The following CELF2 variants were observed in gnomAD, a reference collection of about 807,000 sequenced individuals.
The protein encoded by CELF2 is CUGBP Elav-like family member 2.
Under a neutral mutation model 62.6 loss-of-function variants are expected in CELF2, and 8 were observed. That is an observed-to-expected ratio of 0.13 (90% CI 0.07 to 0.23). The LOEUF is 0.23. CELF2 is among the 10% of genes least tolerant of loss of function. The probability of loss-of-function intolerance (pLI) is 1.00; values close to 1 mark genes in which losing one functional copy is unlikely to be tolerated. For missense variants in CELF2, 333 were observed against 671.0 expected, an observed-to-expected ratio of 0.50 and a Z score of 5.56; for synonymous variants, 258 against 250.0, an observed-to-expected ratio of 1.03 and a Z score of -0.30.
chr10:11,046,818 T>C lies in CELF2; in HGVS notation c.74+28655T>C, dbSNP rs2062939300. On this transcript the variant is annotated intron_variant, in intron 1 of 12. Transcript: ENST00000633077. The surrounding 1 kb of genome is among the most constrained non-coding windows in gnomAD (Gnocchi z 4.6). ...TTAAGCCCTTGGCTTGTTGCTTTAT[T>C]TTCTAAAATTTTAAATTTCATCGAA... Among the ~76,000 whole-genome samples, 1 of 152,208 alleles carries C rather than the reference T, an allele frequency of 6.6e-6. No homozygotes were observed. The highest frequency in any genetic ancestry group is 1.5e-5 in the Non-Finnish European group (1 of 68,038).
the CELF2 span, among the ~76,000 whole-genome samples, chr10:10,633,361 G>C: frequency 6.6e-6 from 1 of 152,124 alleles, no homozygotes; most frequent in Non-Finnish European, 1.5e-5. Context: ...CTATGGTTCT[G>C]ATCTCTGCTA....
At chr10:10,879,512 G>A (rs1344093813) in intron 1 of CELF2, among the ~76,000 whole-genome samples, 4 of 152,078 alleles carry the variant, frequency 2.6e-5, no homozygotes, top group Non-Finnish European at 5.9e-5. Flanking sequence ...AATAAAATAG[G>A]GTATTGAATT....
At chr10:11,228,950 T>G (rs1161907793) in intron 3 of CELF2, among the ~76,000 whole-genome samples, 1 of 152,154 alleles carries the variant, frequency 6.6e-6, no homozygotes, top group Non-Finnish European at 1.5e-5. Context: ...CTTTGAATGT[T>G]ATGTGGGTCA....
rs1407538009 is a variant in CELF2, at chr10:10,993,478, G to C, written c.89+73479G>C. 6.6e-6 allele frequency among the ~76,000 whole-genome samples: 1 copy of C among 152,090 alleles called. No homozygotes were observed. The highest frequency in any genetic ancestry group is 1.5e-5 in the Non-Finnish European group (1 of 68,016). On this transcript the variant is annotated intron_variant, in intron 2 of 13. Coordinates refer to the CELF2 transcript ENST00000636488. The surrounding 1 kb of genome is among the most constrained non-coding windows in gnomAD (Gnocchi z 5.3). ...TAGGCAGACACCAAGCATGAGAAAG[G>C]CAAGCCTCAGGAATATGGAAGATCC...
chr10:11,211,952 A>G lies in CELF2; in HGVS notation c.272-5473A>G, dbSNP rs1396499722. 6.6e-6 allele frequency among the ~76,000 whole-genome samples: 1 copy of G among 151,984 alleles called. No homozygotes were observed. Among genetic ancestry groups the G allele is most frequent in the Non-Finnish European group, 1.5e-5 (1 of 68,010 alleles). On this transcript the variant is annotated intron_variant, in intron 2 of 12. Transcript: ENST00000633077. The surrounding 1 kb of genome is among the most constrained non-coding windows in gnomAD (Gnocchi z 4.8). ...AACAGTTAAGCAGGCAAAATACCTG[A>G]GGGAACTCTTCATGACAGCAGAAAC... is the stretch of plus-strand genomic sequence containing the variant.
chr10:10,629,300 C>A, the CELF2 span, among the ~76,000 whole-genome samples: 1 of 152,210 alleles, frequency 6.6e-6, no homozygotes, highest in East Asian at 1.9e-4. Context: ...TGTGTGTCCT[C>A]TTTCCCAGGT....
At chr10:10,847,127 TTAGATA>T (rs1365214214) in intron 1 of CELF2, among the ~76,000 whole-genome samples, 8 of 151,938 alleles carry the variant, frequency 5.3e-5, no homozygotes, top group Admixed American at 1.3e-4. Context: ...ACACACAAAA[TTAGATA>T]TAGTAATATC....
the CELF2 span, among the ~76,000 whole-genome samples, chr10:10,494,694 C>T: frequency 4.1e-4 from 63 of 152,144 alleles, no homozygotes; most frequent in Non-Finnish European, 7.8e-4. Flanking sequence ...TTTTGAGCAT[C>T]TGTTCTGTGT....
intron 1 of CELF2, among the ~76,000 whole-genome samples, chr10:11,043,669 T>C (rs1053090356): frequency 6.6e-6 from 1 of 152,128 alleles, no homozygotes; most frequent in Non-Finnish European, 1.5e-5. Context: ...TCCCACATTC[T>C]CCACATCCAG....
At chr10:10,657,029 A>G in the CELF2 span, among the ~76,000 whole-genome samples, 3 of 152,170 alleles carry the variant, frequency 2.0e-5, no homozygotes, top group Admixed American at 6.6e-5. Context: ...ATATTCATCA[A>G]TGGATGAATG....
chr10:11,300,674 G>A lies in CELF2; in HGVS notation c.976+12122G>A, dbSNP rs142209793. On this transcript the variant is annotated intron_variant, in intron 9 of 12. Coordinates refer to ENST00000633077, the MANE Select transcript of CELF2 (RefSeq NM_001326342.2). The surrounding 1 kb of genome is among the most constrained non-coding windows in gnomAD (Gnocchi z 5.5). ...AATGCCCCAGGGTTGTGATTGGCTA[G>A]TAATGCTAGTGCCTGTGTCATGGCT... 1.1e-3 allele frequency among the ~76,000 whole-genome samples: 160 copies of A among 152,326 alleles called. 1 individual carries two copies. Among genetic ancestry groups the A allele is most frequent in the Middle Eastern group, 3.4e-3 (1 of 294 alleles).
intron 9 of CELF2, among the ~76,000 whole-genome samples, chr10:11,312,874 C>G (rs957990094): frequency 6.6e-6 from 1 of 152,170 alleles, no homozygotes; most frequent in Non-Finnish European, 1.5e-5. Flanking sequence ...GCAGGGGTTG[C>G]AGTGGGCCAA....
Position 11,270,540 on chromosome 10 carries a change from T to C in CELF2, c.619-126T>C. On this transcript the variant is annotated intron_variant, in intron 6 of 12. Transcript: ENST00000633077. The surrounding 1 kb of genome is among the most constrained non-coding windows in gnomAD (Gnocchi z 5.8). ...GAGAAGAAGGAATATCAAACCGTTT[T>C]AAACCATTTCAGCCCATTCCATGTG... 1 of 785,284 alleles carries C rather than the reference T, an allele frequency of 1.3e-6. No individual in the cohort carries two copies. Among genetic ancestry groups the C allele is most frequent in the Non-Finnish European group, 1.9e-6 (1 of 539,144 alleles). The allele number at this position is 785,284 out of a possible 1,614,324, so 48.6% of individuals were successfully genotyped here.
the CELF2 span, among the ~76,000 whole-genome samples, chr10:10,492,968 C>G: frequency 5.3e-5 from 8 of 152,262 alleles, no homozygotes; most frequent in African/African-American, 1.9e-4. Flanking sequence ...CCTTTCACCT[C>G]CTGCCGTGAT....
intron 3 of CELF2, among the ~76,000 whole-genome samples, chr10:11,239,801 G>A (rs370686388): frequency 1.6e-4 from 24 of 152,270 alleles, no homozygotes; most frequent in East Asian, 1.5e-3. Context: ...GGTCGTGCCT[G>A]TAATCTCAGC....
At chr10:10,534,238 A>T in the CELF2 span, among the ~76,000 whole-genome samples, 22 of 151,740 alleles carry the variant, frequency 1.4e-4, no homozygotes, top group Admixed American at 7.9e-4. Flanking sequence ...AAGAAAAAGA[A>T]AAAGAGAGAG....
chr10:10,977,376 G>A (rs1286501987), intron 2 of CELF2, among the ~76,000 whole-genome samples: 2 of 152,184 alleles, frequency 1.3e-5, no homozygotes, highest in Non-Finnish European at 2.9e-5. Flanking sequence ...AGTATCTTTA[G>A]TCTTTGGGGG....
chr10:10,694,789 T>A, the CELF2 span, among the ~76,000 whole-genome samples: 1 of 151,874 alleles, frequency 6.6e-6, no homozygotes, highest in Non-Finnish European at 1.5e-5. Flanking sequence ...TCTCTTTTGA[T>A]CTTTGTTGGT....
chr10:11,160,720 G>A (rs187541917), intron 1 of CELF2, among the ~76,000 whole-genome samples: 20 of 150,510 alleles, frequency 1.3e-4, no homozygotes, highest in African/African-American at 3.7e-4. Flanking sequence ...CTATCTTTAC[G>A]CACAATTTTT....
Sources: allele counts gnomAD v4.1 joint callset (sites outside exome capture counted in the v4.1 genomes callset), GRCh38; gene constraint gnomAD v4.1.1; non-coding constraint Gnocchi (gnomAD v3.1); transcripts MANE v1.5; gene names NCBI Gene and HGNC (gene_info 2026-07-23, HGNC 2026-07-21).